ADGB: variants seen among roughly 807,000 people sequenced by gnomAD.
ADGB encodes the protein androglobin, also known as calpain-7-like protein.
In ADGB, 172 loss-of-function variants were observed where a neutral mutation model predicts 210.5. The ratio of observed to expected loss-of-function variants is 0.82; its 90% CI spans 0.72 to 0.93. The LOEUF (loss-of-function observed/expected upper bound fraction) is 0.93. Among genes scored for constraint, ADGB ranks in the 40% least tolerant of loss-of-function variants. ADGB has a pLI of 0.00. For synonymous variants in ADGB, 658 were observed against 662.7 expected (o/e 0.99, Z 0.11); for missense variants, 2,025 against 1,964.8 (o/e 1.03, Z -0.58).
At chr6:146,610,450 C>A (rs1277573691) in intron 1 of ADGB, among the ~76,000 whole-genome samples, 2 of 152,128 alleles carry the variant, frequency 1.3e-5, no homozygotes, top group Non-Finnish European at 1.5e-5. Context: ...TGTGCTGGTT[C>A]TTTCTCATCT....
chr6:146,761,613 T>C (rs1029750692), intron 27 of ADGB, among the ~76,000 whole-genome samples: 1 of 152,094 alleles, frequency 6.6e-6, no homozygotes, highest in African/African-American at 2.4e-5. Context: ...GCAACATTTA[T>C]ATTGTGAGTC....
chr6:146,726,395 T>C (rs527663502), intron 19 of ADGB, among the ~76,000 whole-genome samples, 198 bp downstream of exon 19: 66 of 152,128 alleles, frequency 4.3e-4, no homozygotes, highest in African/African-American at 1.3e-3. Flanking sequence ...GCAGATTTTT[T>C]TGTATTTTTA....
chr6:146,604,652 A>G (rs959249858), intron 1 of ADGB, among the ~76,000 whole-genome samples: 22 of 152,182 alleles, frequency 1.4e-4, no homozygotes, highest in Admixed American at 5.9e-4. Flanking sequence ...TTATTTATTG[A>G]GAATTGCCCA....
chr6:146,611,911 T>A (rs191197636), intron 1 of ADGB, among the ~76,000 whole-genome samples: 2 of 152,190 alleles, frequency 1.3e-5, no homozygotes, highest in Admixed American at 1.3e-4. Flanking sequence ...TTTGCATACT[T>A]CTTATAAATA....
chr6:146,686,266 T>A (rs1215500647), intron 10 of ADGB, among the ~76,000 whole-genome samples: 1 of 152,070 alleles, frequency 6.6e-6, no homozygotes, highest in African/African-American at 2.4e-5. Context: ...TGCTATGACC[T>A]TTCTTGTATC....
chr6:146,626,661 A>C (rs1363904593), intron 1 of ADGB, among the ~76,000 whole-genome samples: 2 of 151,722 alleles, frequency 1.3e-5, no homozygotes, highest in African/African-American at 4.8e-5. Flanking sequence ...TCCTCTGCAT[A>C]TAATGTTTAT....
intron 12 of ADGB, among the ~76,000 whole-genome samples, chr6:146,693,666 C>T (rs1776362684): frequency 6.6e-6 from 1 of 152,102 alleles, no homozygotes; most frequent in Non-Finnish European, 1.5e-5. Flanking sequence ...TCTCATTTTT[C>T]CCAATATGGA....
At chr6:146,777,041 A>G (rs1470864922) in intron 29 of ADGB, among the ~76,000 whole-genome samples, 1 of 151,966 alleles carries the variant, frequency 6.6e-6, no homozygotes, top group Admixed American at 6.6e-5. Context: ...TAGAGCGCTC[A>G]CAGTCCCTTT....
chr6:146,636,042 A>G (rs936543436), intron 2 of ADGB, among the ~76,000 whole-genome samples: 1 of 152,084 alleles, frequency 6.6e-6, no homozygotes, highest in African/African-American at 2.4e-5. Flanking sequence ...TCACATAAAC[A>G]TGGCATGTCC....
chr6:146,691,348 C>T, intron 11 of ADGB, 58 bp downstream of exon 11: 1 of 1,363,212 alleles, frequency 7.3e-7, no homozygotes, highest in Admixed American at 2.9e-5. Context: ...CTAACAGTTT[C>T]ATCTGCGGTG....
At chr6:146,699,723 G>T (rs1187108294) in intron 12 of ADGB, among the ~76,000 whole-genome samples, 1 of 141,300 alleles carries the variant, frequency 7.1e-6, no homozygotes, top group African/African-American at 2.7e-5. Flanking sequence ...TTATCTCTCA[G>T]CTAGTTGAGT....
intron 1 of ADGB, among the ~76,000 whole-genome samples, chr6:146,618,934 G>A (rs1780844372): frequency 6.6e-6 from 1 of 151,932 alleles, no homozygotes; most frequent in South Asian, 2.1e-4. Flanking sequence ...TCTGTCCAAT[G>A]CTGAAATCCT....
chr6:146,736,533 C>CA lies in ADGB; in HGVS notation c.2835dup (p.Val946SerfsTer22). 1 of 1,548,680 alleles carries CA rather than the reference C, an allele frequency of 6.5e-7. No homozygotes were observed. The highest frequency in any genetic ancestry group is 8.7e-7 in the Non-Finnish European group (1 of 1,145,548). On this transcript the variant is annotated frameshift_variant, in exon 23 of 36. Transcript: ENST00000397944. LOFTEE classifies it high-confidence loss of function. ...AAATATCAGTGTTGCAGATACTCTTCAAAAAGTTTGGGCTGTATTGGAAAT... is the reference window on the plus strand; with the variant it reads ...AAATATCAGTGTTGCAGATACTCTTCAAAAAAGTTTGGGCTGTATTGGAAAT...
At chr6:146,728,806 A>G in intron 20 of ADGB, 65 bp downstream of exon 20, 9 of 1,309,226 alleles carry the variant, frequency 6.9e-6, no homozygotes, top group Non-Finnish European at 9.2e-6. Flanking sequence ...TATATCTTCC[A>G]TTAGGTGACC....
intron 1 of ADGB, among the ~76,000 whole-genome samples, chr6:146,628,475 C>A (rs1781011989): frequency 6.6e-6 from 1 of 152,016 alleles, no homozygotes; most frequent in Non-Finnish European, 1.5e-5. Context: ...GCAAAGTCAA[C>A]ACTGACTAGA....
In ADGB at chr6:146,718,078, C is replaced by CA. The variant is rs572485968; in HGVS notation, c.1992+480dup. Among the ~76,000 whole-genome samples the CA allele has an allele frequency of 2.6e-5, 4 of 152,208 alleles. No homozygotes were observed. In the South Asian group the frequency reaches 8.3e-4, roughly 32 times the overall value. On this transcript the variant is annotated intron_variant, in intron 16 of 35. Transcript: ENST00000397944. ...AATGCCTAGAAATCCTTCAGAATAG[C>CA]ACAGATGCCCTTGACACTGTGAGGC...
intron 35 of ADGB, among the ~76,000 whole-genome samples, chr6:146,809,441 G>A (rs1583650631): frequency 6.6e-6 from 1 of 151,968 alleles, no homozygotes; most frequent in Non-Finnish European, 1.5e-5. Flanking sequence ...CTTGACCTCA[G>A]GTGATCCACC....
intron 2 of ADGB, among the ~76,000 whole-genome samples, chr6:146,640,262 T>G (rs1246704538): frequency 6.6e-6 from 1 of 151,862 alleles, no homozygotes; most frequent in Non-Finnish European, 1.5e-5. Context: ...ATGGAATCAG[T>G]AATAAAGGGC....
intron 1 of ADGB, among the ~76,000 whole-genome samples, chr6:146,611,815 C>T (rs965529524): frequency 9.2e-5 from 14 of 152,126 alleles, no homozygotes; most frequent in African/African-American, 3.4e-4. Context: ...TAGTTTGAGC[C>T]TGTACATGTA....
Sources: allele counts gnomAD v4.1 joint callset (sites outside exome capture counted in the v4.1 genomes callset), GRCh38; gene constraint gnomAD v4.1.1; transcripts MANE v1.5; gene names NCBI Gene and HGNC (gene_info 2026-07-23, HGNC 2026-07-21).